The following FRMD4B variants were observed in gnomAD, a reference collection of about 807,000 sequenced individuals.
FRMD4B encodes FERM domain containing 4B, also known as FERM domain-containing protein 4B.
Under a neutral mutation model 141.5 loss-of-function variants are expected in FRMD4B, and 74 were observed. The observed-to-expected ratio is 0.52, with a 90% CI of 0.43 to 0.63. The LOEUF is 0.63. Ranked by LOEUF, FRMD4B falls within the 30% of genes least tolerant of loss-of-function variation. The pLI is 0.00. For missense variants in FRMD4B, 1,366 were observed against 1,253.4 expected, an observed-to-expected ratio of 1.09 and a Z score of -1.36; for synonymous variants, 506 against 467.9, an observed-to-expected ratio of 1.08 and a Z score of -1.05.
chr3:69,453,237 G>A (rs1326006366), intron 1 of FRMD4B, among the ~76,000 whole-genome samples: 1 of 152,194 alleles, frequency 6.6e-6, no homozygotes, highest in Non-Finnish European at 1.5e-5. Context: ...TCTATGTACA[G>A]TGCCTTGTGT....
chr3:69,396,486 C>G (rs906291172), intron 2 of FRMD4B, among the ~76,000 whole-genome samples: 10 of 151,062 alleles, frequency 6.6e-5, no homozygotes, highest in African/African-American at 2.4e-4. Context: ...GCCTGGGTGA[C>G]AGAGTGAGAC....
intron 12 of FRMD4B, 131 bp from the exon 13 acceptor site, chr3:69,197,169 A>T: frequency 1.7e-6 from 1 of 593,072 alleles, no homozygotes; most frequent in Non-Finnish European, 2.9e-6. Flanking sequence ...TCTTACGCAA[A>T]TGGGGACCAA....
intron 1 of FRMD4B, among the ~76,000 whole-genome samples, chr3:69,329,781 C>T (rs1314615709): frequency 6.6e-6 from 1 of 151,872 alleles, no homozygotes; most frequent in African/African-American, 2.4e-5. Flanking sequence ...ATCTGCCTGC[C>T]TCAGCCTCCC....
chr3:69,540,300 A>G (rs1175939418), intron 1 of FRMD4B, among the ~76,000 whole-genome samples: 1 of 151,660 alleles, frequency 6.6e-6, no homozygotes, highest in African/African-American at 2.4e-5. Context: ...TCTCTCTTAA[A>G]TATCATCTTT....
chr3:69,308,448 T>TG (rs201587433), intron 3 of FRMD4B, among the ~76,000 whole-genome samples: 3,542 of 150,210 alleles, frequency 0.024, 94 homozygotes, highest in African/African-American at 0.053. Context: ...CTTTTTTTTT[T>TG]TTTGTTTGGG....
chr3:69,345,604 C>T (rs910376777), intron 1 of FRMD4B, among the ~76,000 whole-genome samples: 4 of 152,202 alleles, frequency 2.6e-5, no homozygotes, highest in African/African-American at 7.2e-5. Context: ...CAGACTGACA[C>T]CTCACACAGC....
intron 1 of FRMD4B, among the ~76,000 whole-genome samples, chr3:69,338,251 G>A (rs934473334): frequency 6.6e-6 from 1 of 152,144 alleles, no homozygotes; most frequent in Non-Finnish European, 1.5e-5. Flanking sequence ...GGTGGGAATT[G>A]AACAATGACA....
intron 5 of FRMD4B, among the ~76,000 whole-genome samples, chr3:69,281,300 T>C (rs980540715): frequency 3.3e-5 from 5 of 152,240 alleles, no homozygotes; most frequent in Admixed American, 2.6e-4. Context: ...TAGTGTTGAC[T>C]ATAGTATTGT....
intron 1 of FRMD4B, among the ~76,000 whole-genome samples, chr3:69,347,848 T>C (rs1162901662): frequency 1.3e-5 from 2 of 152,160 alleles, no homozygotes; most frequent in African/African-American, 4.8e-5. Flanking sequence ...TAGAGGGAAA[T>C]TTATAGCACT....
intron 5 of FRMD4B, among the ~76,000 whole-genome samples, chr3:69,280,031 T>C (rs758165867): frequency 2.0e-5 from 3 of 152,158 alleles, no homozygotes; most frequent in Non-Finnish European, 4.4e-5. Flanking sequence ...CCATGTTGGC[T>C]GATTACTAAA....
At chr3:69,480,963 A>G (rs1706111396) in intron 1 of FRMD4B, among the ~76,000 whole-genome samples, 1 of 152,024 alleles carries the variant, frequency 6.6e-6, no homozygotes, top group Non-Finnish European at 1.5e-5. Context: ...TTGATCTCAG[A>G]CTGCTGTGCT....
intron 1 of FRMD4B, among the ~76,000 whole-genome samples, chr3:69,326,368 T>A (rs1702192144): frequency 6.6e-6 from 1 of 152,188 alleles, no homozygotes; most frequent in Non-Finnish European, 1.5e-5. Flanking sequence ...TTCAATCTGA[T>A]TTTTTCTAGT....
chr3:69,291,206 T>A (rs1700861491), intron 4 of FRMD4B, among the ~76,000 whole-genome samples: 2 of 152,226 alleles, frequency 1.3e-5, no homozygotes, highest in African/African-American at 4.8e-5. Context: ...GAACTCAACA[T>A]CTGCCTTCTA....
chr3:69,463,285 T>A (rs1376217553), intron 1 of FRMD4B, among the ~76,000 whole-genome samples: 1 of 152,216 alleles, frequency 6.6e-6, no homozygotes, highest in Non-Finnish European at 1.5e-5. Flanking sequence ...AATCGTAGAA[T>A]CTAACACATA....
chr3:69,263,544 C>G (rs1298740265), intron 5 of FRMD4B, among the ~76,000 whole-genome samples: 29 of 151,448 alleles, frequency 1.9e-4, no homozygotes, highest in Admixed American at 1.9e-3. Context: ...ATAGCTGGGA[C>G]TAAAGGTGTG....
intron 5 of FRMD4B, among the ~76,000 whole-genome samples, chr3:69,272,123 G>A (rs1025532702): frequency 6.6e-6 from 1 of 152,028 alleles, no homozygotes; most frequent in Non-Finnish European, 1.5e-5. Flanking sequence ...ATCACAAGAA[G>A]GTACATTCAC....
intron 1 of FRMD4B, among the ~76,000 whole-genome samples, chr3:69,366,636 C>A (rs1053322890): frequency 6.6e-6 from 1 of 152,156 alleles, no homozygotes; most frequent in Non-Finnish European, 1.5e-5. Context: ...CCATGCATAT[C>A]TCTAACAATT....
At chr3:69,232,920 T>G (rs1432201741) in intron 7 of FRMD4B, among the ~76,000 whole-genome samples, 1 of 76,864 alleles carries the variant, frequency 1.3e-5, no homozygotes, top group Non-Finnish European at 2.7e-5. Flanking sequence ...GTTTGTTTTT[T>G]TTTTTTTTTT....
chr3:69,429,912 A>T (rs1705149204), intron 2 of FRMD4B, among the ~76,000 whole-genome samples: 1 of 151,678 alleles, frequency 6.6e-6, no homozygotes. Flanking sequence ...GGCATGCACC[A>T]CCACGTCTGG....
Sources: allele counts gnomAD v4.1 joint callset (sites outside exome capture counted in the v4.1 genomes callset), GRCh38; gene constraint gnomAD v4.1.1; transcripts MANE v1.5; gene names NCBI Gene and HGNC (gene_info 2026-07-23, HGNC 2026-07-21).